The following CSTL1 variants were observed in gnomAD, a reference collection of about 807,000 sequenced individuals.
CSTL1 encodes the protein cystatin like 1.
In CSTL1, 14 loss-of-function variants were observed where a neutral mutation model predicts 14.4. The observed-to-expected ratio is 0.97, with a 90% CI of 0.64 to 1.52. CSTL1 has a LOEUF of 1.52. Among genes scored for constraint, CSTL1 ranks in the 40% most tolerant of loss-of-function variants. The pLI is 0.00. For synonymous variants in CSTL1, 72 were observed against 67.5 expected (o/e 1.07, Z -0.33); for missense variants, 170 against 168.7 (o/e 1.01, Z -0.04).
At chr20:23,444,976 C>A, downstream of CSTL1, 1 of 795,332 alleles carries the variant, frequency 1.3e-6, no homozygotes, top group Non-Finnish European at 2.2e-6. Flanking sequence ...CACACACATG[C>A]ACACACAGAG....
chr20:23,450,161 T>A, the CSTL1 span, among the ~76,000 whole-genome samples: 1 of 152,162 alleles, frequency 6.6e-6, no homozygotes, highest in East Asian at 1.9e-4. Flanking sequence ...TTCTTCCCTC[T>A]CCTTATTCTG....
Position 23,440,249 on chromosome 20 carries a change from A to C in CSTL1, c.-19A>C. The C allele has an allele frequency of 6.2e-7, 1 of 1,613,276 alleles. No homozygotes were observed. Among genetic ancestry groups the C allele is most frequent in the Non-Finnish European group, 8.5e-7 (1 of 1,179,808 alleles). On this transcript the variant is annotated 5_prime_UTR_variant, in exon 2 of 4. Coordinates refer to ENST00000347397, the MANE Select transcript of CSTL1 (RefSeq NM_138283.1). ...CCCTGGAAGGTGCAGTTGGGAAGAA[A>C]GTTTCTGAGGCTGTAGACATGGGGA...
intron 3 of CSTL1, 36 bp downstream of exon 3, chr20:23,444,080 A>C: frequency 6.4e-7 from 1 of 1,567,786 alleles, no homozygotes; most frequent in Middle Eastern, 1.7e-4. Context: ...GGACTTGTGA[A>C]GTGAATATTT....
Position 23,440,138 on chromosome 20 carries a change from A to G in CSTL1, c.-124-6A>G. 1.2e-6 allele frequency: 1 copy of G among 844,056 alleles called. No individual in the cohort carries two copies. The highest frequency in any genetic ancestry group is 1.9e-6 in the Non-Finnish European group (1 of 527,870). 52.3% of individuals were successfully genotyped at this position (844,056 alleles called of 1,614,324 possible). A position where few individuals can be genotyped will look rare whatever the true frequency, so the allele number is the denominator to read the frequency against. The stretch of plus-strand genomic sequence containing the variant: ...GGTTCAGGTCTGAATCTCTGTTTAA[A>G]TGCAGGCAGGCCATCCCCCAGGAAA... On this transcript the variant is annotated splice_polypyrimidine_tract_variant and splice_region_variant and intron_variant, in intron 1 of 3. Transcript: ENST00000347397.
chr20:23,450,681 A>G, the CSTL1 span: 1 of 847,866 alleles, frequency 1.2e-6, no homozygotes. Context: ...GATGGAGAAA[A>G]GGCTACCACC....
rs146662104 is a variant in CSTL1, at chr20:23,441,303, A to G, written c.219+817A>G. On this transcript the variant is annotated intron_variant, in intron 2 of 3. Transcript: ENST00000347397. The stretch of plus-strand genomic sequence containing the variant: ...TCTGGAAGTGGAGAGGATGTGAGAG[A>G]TAGGGTTCAGCCAGATCACCTCACC... 1.6e-3 allele frequency among the ~76,000 whole-genome samples: 250 copies of G among 152,318 alleles called. 1 individual carries two copies. The highest frequency in any genetic ancestry group is 5.3e-3 in the African/African-American group (222 of 41,572).
rs1986792374 is a variant in CSTL1 at position 23,440,203 on chromosome 20, C to G, written c.-65C>G. On this transcript the variant is annotated 5_prime_UTR_variant, in exon 2 of 4. Coordinates refer to ENST00000347397, the MANE Select transcript of CSTL1 (RefSeq NM_138283.1). Reference sequence around the variant, plus strand: ...GGGTTATGATGGGAGAATGAGTGAACTGCAGCCTGGCACCACCACACCCTG... The same window carrying G: ...GGGTTATGATGGGAGAATGAGTGAAGTGCAGCCTGGCACCACCACACCCTG... 1 of 1,551,240 alleles carries G rather than the reference C, an allele frequency of 6.4e-7. No individual in the cohort carries two copies. The highest frequency in any genetic ancestry group is 8.9e-7 in the Non-Finnish European group (1 of 1,127,020).
Position 23,444,050 on chromosome 20 carries a change from T to C in CSTL1, c.330+6T>C, listed in dbSNP as rs761370696. On this transcript the variant is annotated splice_donor_region_variant and intron_variant, in intron 3 of 3. Transcript: ENST00000347397. The stretch of plus-strand genomic sequence containing the variant: ...AAAGCAAGAAGCTGAGAAAGGTGTG[T>C]AGTGGAAGTCATCCCAAAGGGACTT... 3.7e-6 allele frequency: 6 copies of C among 1,607,540 alleles called. No individual in the cohort carries two copies. Among genetic ancestry groups the C allele is most frequent in the Admixed American group, 1.7e-5 (1 of 59,996 alleles).
At chr20:23,443,161 AT>A (rs1394156330) in intron 2 of CSTL1, among the ~76,000 whole-genome samples, 1 of 152,216 alleles carries the variant, frequency 6.6e-6, no homozygotes, top group Non-Finnish European at 1.5e-5. Context: ...GGAAACTGAG[AT>A]TCAGTAAAAT....
downstream of CSTL1, among the ~76,000 whole-genome samples, chr20:23,446,548 G>T (rs535438017): frequency 6.6e-6 from 1 of 152,192 alleles, no homozygotes; most frequent in African/African-American, 2.4e-5. Context: ...GAGCCACTGC[G>T]CCCAGCCTGC....
At chr20:23,450,956 C>G in the CSTL1 span, among the ~76,000 whole-genome samples, 2 of 152,114 alleles carry the variant, frequency 1.3e-5, no homozygotes, top group African/African-American at 2.4e-5. Flanking sequence ...TTCCAACCAT[C>G]TATTTATCCC....
the CSTL1 span, chr20:23,450,351 T>C: frequency 1.3e-5 from 7 of 531,058 alleles, no homozygotes; most frequent in African/African-American, 1.1e-4. Context: ...ATTATTACTA[T>C]GAGCTGAAGA....
chr20:23,452,664 A>T, the CSTL1 span: 1 of 1,614,090 alleles, frequency 6.2e-7, no homozygotes, highest in African/African-American at 1.3e-5. Flanking sequence ...TCGGTGATCC[A>T]CTGCAAGCTG....
rs1268342143 is a variant in CSTL1, at chr20:23,439,927, C to A, written c.-125+121C>A. On this transcript the variant is annotated intron_variant, in intron 1 of 3. Coordinates refer to ENST00000347397, the MANE Select transcript of CSTL1 (RefSeq NM_138283.1). ...AGTGATGCTTCTCTATCTACAACCCCAGCTCTTATTGCAGAGCACTGTAGG... is the reference window on the plus strand; with the variant it reads ...AGTGATGCTTCTCTATCTACAACCCAAGCTCTTATTGCAGAGCACTGTAGG... The A allele has an allele frequency of 1.6e-5, 5 of 320,224 alleles. No individual in the cohort carries two copies. In the East Asian group the frequency reaches 2.7e-4, roughly 17 times the overall value. The allele number at this position is 320,224 out of a possible 1,614,324, so 19.8% of individuals were successfully genotyped here.
At chr20:23,461,091 G>A in the CSTL1 span, among the ~76,000 whole-genome samples, 2 of 152,162 alleles carry the variant, frequency 1.3e-5, no homozygotes, top group African/African-American at 2.4e-5. Context: ...GCAACCACCA[G>A]TCTGATCAGT....
the CSTL1 span, chr20:23,451,946 C>T: frequency 6.4e-7 from 1 of 1,551,654 alleles, no homozygotes; most frequent in Non-Finnish European, 8.9e-7. Context: ...GTGGGGGAGG[C>T]ACAGCTTGTC....
intron 2 of CSTL1, chr20:23,440,904 GT>G: frequency 1.3e-5 from 4 of 299,964 alleles, no homozygotes; most frequent in Non-Finnish European, 1.9e-5. Flanking sequence ...TTACAGGTAC[GT>G]ACCACCACAC....
At chr20:23,443,343 A>C (rs1470907111) in intron 2 of CSTL1, among the ~76,000 whole-genome samples, 1 of 152,230 alleles carries the variant, frequency 6.6e-6, no homozygotes, top group African/African-American at 2.4e-5. Context: ...GCTTCCATTT[A>C]GCCCACATAA....
intron 2 of CSTL1, chr20:23,440,756 CTT>C (rs11346588): frequency 0.25 from 87,263 of 352,928 alleles, 4,334 homozygotes; most frequent in Admixed American, 0.3. Flanking sequence ...GGATTAAACT[CTT>C]TTTTTTTTTT....
Sources: gnomAD v4.1 joint callset for allele counts (sites outside exome capture counted in the v4.1 genomes callset) on GRCh38, gnomAD v4.1.1 for gene constraint, MANE v1.5 for transcripts, NCBI Gene and HGNC (gene_info 2026-07-23, HGNC 2026-07-21) for gene names.